Variants in CDH22 observed in about 807,000 individuals in gnomAD.
CDH22 encodes the protein cadherin 22.
In CDH22, 30 loss-of-function variants were observed where a neutral mutation model predicts 58.4. The observed-to-expected ratio is 0.51, with a 90% CI of 0.38 to 0.70. The LOEUF (loss-of-function observed/expected upper bound fraction) is 0.70, where lower values mean the gene tolerates loss of function less well. CDH22 is among the 30% of genes least tolerant of loss of function. The probability of loss-of-function intolerance (pLI) is 0.00; values close to 1 mark genes in which losing one functional copy is unlikely to be tolerated. For synonymous variants in CDH22, 513 were observed against 558.2 expected, an observed-to-expected ratio of 0.92 and a Z score of 1.14; for missense variants, 1,014 against 1,233.9, an observed-to-expected ratio of 0.82 and a Z score of 2.67.
chr20:46,238,655 T>C (rs1438137799), intron 3 of CDH22, among the ~76,000 whole-genome samples: 2 of 152,260 alleles, frequency 1.3e-5, no homozygotes, highest in African/African-American at 4.8e-5. Flanking sequence ...ACAGTCATCC[T>C]TGAGTTTTCT....
At chr20:46,223,449 A>C (rs941911916) in intron 4 of CDH22, among the ~76,000 whole-genome samples, 1 of 151,958 alleles carries the variant, frequency 6.6e-6, no homozygotes, top group Non-Finnish European at 1.5e-5. Flanking sequence ...CCTCATCACC[A>C]TCACTATCCT....
intron 1 of CDH22, among the ~76,000 whole-genome samples, chr20:46,305,989 A>C (rs2086674743): frequency 2.0e-5 from 3 of 152,144 alleles, no homozygotes. Context: ...GATCACAGCC[A>C]CCCTTTTGAC....
intron 1 of CDH22, among the ~76,000 whole-genome samples, chr20:46,281,775 C>A (rs77778568): frequency 0.022 from 3,291 of 152,310 alleles, 49 homozygotes; most frequent in African/African-American, 0.036. Context: ...GATGCCCAGA[C>A]CTTCAGATTC....
intron 1 of CDH22, among the ~76,000 whole-genome samples, chr20:46,275,481 T>G (rs545111758): frequency 6.6e-6 from 1 of 152,324 alleles, no homozygotes; most frequent in African/African-American, 2.4e-5. Context: ...TATCACCTTC[T>G]AACATATTAT....
chr20:46,238,677 T>G (rs570018993), intron 3 of CDH22, among the ~76,000 whole-genome samples: 91 of 152,352 alleles, frequency 6.0e-4, no homozygotes, highest in Non-Finnish European at 1.1e-3. Flanking sequence ...TCTTTCACAC[T>G]CCATATCCAA....
At chr20:46,245,674 A>G (rs1266218247) in intron 2 of CDH22, among the ~76,000 whole-genome samples, 1 of 152,158 alleles carries the variant, frequency 6.6e-6, no homozygotes, top group East Asian at 1.9e-4. Flanking sequence ...ATAATAAAAT[A>G]TACAACAGTC....
chr20:46,209,950 C>T (rs978906042), intron 7 of CDH22: 3 of 230,872 alleles, frequency 1.3e-5, no homozygotes, highest in Non-Finnish European at 2.5e-5. Flanking sequence ...CTGGGGGAGT[C>T]CTGGGCACAG....
rs6032723 is a variant in CDH22 at position 46,214,382 on chromosome 20, G to A, written c.839-1194C>T. 2.8e-3 allele frequency among the ~76,000 whole-genome samples: 425 copies of A among 152,260 alleles called. 5 individuals are homozygous for A. The highest frequency in any genetic ancestry group is 0.02 in the Middle Eastern group (6 of 294). On this transcript the variant is annotated intron_variant, in intron 5 of 11. Transcript: ENST00000537909. The stretch of plus-strand genomic sequence containing the variant: ...CACAGGTCTTGGTAACCCTTGCGTG[G>A]AGTGGCTGCCTCTGATTCATCCTCA...
chr20:46,299,603 G>A (rs913562973), intron 1 of CDH22, among the ~76,000 whole-genome samples: 6 of 144,926 alleles, frequency 4.1e-5, no homozygotes, highest in South Asian at 2.2e-4. Flanking sequence ...GCGAGACTCC[G>A]TCTCAAAAAA....
intron 4 of CDH22, among the ~76,000 whole-genome samples, chr20:46,223,495 T>G (rs1036215381): frequency 7.3e-4 from 111 of 152,314 alleles, no homozygotes; most frequent in African/African-American, 2.6e-3. Flanking sequence ...CTTTACATAC[T>G]TCCTGTTCCC....
chr20:46,245,588 G>A (rs992417823), intron 2 of CDH22, among the ~76,000 whole-genome samples: 1 of 152,144 alleles, frequency 6.6e-6, no homozygotes, highest in Admixed American at 6.5e-5. Flanking sequence ...CTCCTTGAGG[G>A]CCAAGCATCT....
chr20:46,241,336 G>T lies in CDH22; in HGVS notation c.256-79C>A. ...GCCTCACTGTCTCATGCCATTGGCT[G>T]CCTATTCCTAAGCCCATCTCTTCTC... is the stretch of plus-strand genomic sequence containing the variant. On this transcript the variant is annotated intron_variant, in intron 2 of 11. Transcript: ENST00000537909. This position sits in a 1 kb window ranked among gnomAD's most constrained non-coding sequence, Gnocchi z 5.2. The T allele has an allele frequency of 1.6e-6, 2 of 1,251,408 alleles. No individual in the cohort carries two copies. The highest frequency in any genetic ancestry group is 1.5e-5 in the South Asian group (1 of 66,108). The allele number at this position is 1,251,408 out of a possible 1,614,324, so 77.5% of individuals were successfully genotyped here.
chr20:46,255,844 C>T (rs1305456128), intron 1 of CDH22, among the ~76,000 whole-genome samples: 1 of 152,220 alleles, frequency 6.6e-6, no homozygotes, highest in Non-Finnish European at 1.5e-5. Context: ...GCATTCAGCT[C>T]TCCTGGGACC....
intron 2 of CDH22, among the ~76,000 whole-genome samples, chr20:46,246,096 C>T (rs919321399): frequency 1.3e-5 from 2 of 152,156 alleles, no homozygotes; most frequent in African/African-American, 4.8e-5. Context: ...ATTTATGAAG[C>T]CATTAATTAC....
chr20:46,300,728 C>T lies in CDH22; in HGVS notation c.-400+7527G>A, dbSNP rs2086647704. Among the ~76,000 whole-genome samples the T allele has an allele frequency of 6.6e-6, 1 of 152,258 alleles. No individual in the cohort carries two copies. The highest frequency in any genetic ancestry group is 2.1e-4 in the South Asian group (1 of 4,832). On this transcript the variant is annotated intron_variant, in intron 1 of 11. Coordinates refer to ENST00000537909, the MANE Select transcript of CDH22 (RefSeq NM_021248.3). The surrounding 1 kb of genome is among the most constrained non-coding windows in gnomAD (Gnocchi z 4.4). ...GACCCCCCAGTCCCCTCTTCGCTGG[C>T]CCCAAGGGGCTTCTACTTGAGGAAT... is the stretch of plus-strand genomic sequence containing the variant.
chr20:46,243,008 AG>A (rs1475474797), intron 2 of CDH22, among the ~76,000 whole-genome samples: 1 of 152,162 alleles, frequency 6.6e-6, no homozygotes, highest in Non-Finnish European at 1.5e-5. Flanking sequence ...CAAATCTCCC[AG>A]GCAGCTTCAA....
Position 46,251,946 on chromosome 20 carries a change from G to T in CDH22, c.-399-253C>A, listed in dbSNP as rs1025079720. 6.6e-6 allele frequency among the ~76,000 whole-genome samples: 1 copy of T among 151,850 alleles called. No individual in the cohort carries two copies. Among genetic ancestry groups the T allele is most frequent in the Admixed American group, 6.6e-5 (1 of 15,246 alleles). On this transcript the variant is annotated intron_variant, in intron 1 of 11. Transcript: ENST00000537909. The surrounding 1 kb of genome is among the most constrained non-coding windows in gnomAD (Gnocchi z 6.7). ...ACGCCCTGTACTCCCAATCTCCTAC[G>T]CCTTTCTCACAGCCCCTGCCCCGCT...
At chr20:46,296,031 G>A (rs2086627470) in intron 1 of CDH22, among the ~76,000 whole-genome samples, 1 of 152,122 alleles carries the variant, frequency 6.6e-6, no homozygotes, top group Admixed American at 6.5e-5. Flanking sequence ...TCAAAGTGCT[G>A]GGATCACAGG....
Position 46,227,479 on chromosome 20 carries a change from TCCGCCTCTGGCC to T in CDH22, c.670+17_670+28del, listed in dbSNP as rs755344325. The T allele has an allele frequency of 4.7e-5, 36 of 769,462 alleles. No homozygotes were observed. In the South Asian group the frequency reaches 4.9e-4, roughly 10 times the overall value. 47.7% of individuals were successfully genotyped at this position (769,462 alleles called of 1,614,324 possible). The stretch of plus-strand genomic sequence containing the variant: ...CCCGCCCCTGGCCCCGCCCCACGGC[TCCGCCTCTGGCC>T]CCGCCCTGCCCCTCACCGGTCTTGG... On this transcript the variant is annotated intron_variant, in intron 4 of 11. Coordinates refer to ENST00000537909, the MANE Select transcript of CDH22 (RefSeq NM_021248.3).
Sources: allele counts gnomAD v4.1 joint callset (sites outside exome capture counted in the v4.1 genomes callset), GRCh38; gene constraint gnomAD v4.1.1; non-coding constraint Gnocchi (gnomAD v3.1); transcripts MANE v1.5; gene names NCBI Gene and HGNC (gene_info 2026-07-23, HGNC 2026-07-21).